The following SLC5A4 variants were observed in gnomAD, a reference collection of about 807,000 sequenced individuals.
The protein encoded by SLC5A4 is solute carrier family 5 member 4.
In SLC5A4, 55 loss-of-function variants were observed where a neutral mutation model predicts 70.3. That is an observed-to-expected ratio of 0.78 (90% CI 0.63 to 0.98). SLC5A4 has a LOEUF of 0.98. Among genes scored for constraint, SLC5A4 ranks in the 50% least tolerant of loss-of-function variants. The pLI is 0.00. For synonymous variants in SLC5A4, 268 were observed against 305.7 expected (o/e 0.88, Z 1.29); for missense variants, 735 against 839.2 (o/e 0.88, Z 1.53).
the SLC5A4 span, among the ~76,000 whole-genome samples, chr22:32,332,697 G>A: frequency 6.6e-6 from 1 of 152,132 alleles, no homozygotes; most frequent in East Asian, 1.9e-4. Context: ...CCTTCCTGTC[G>A]CTTTACCCTC....
At chr22:32,222,283 T>C (rs1925133638) in intron 13 of SLC5A4, among the ~76,000 whole-genome samples, 1 of 152,232 alleles carries the variant, frequency 6.6e-6, no homozygotes, top group African/African-American at 2.4e-5. Flanking sequence ...TTAAAAACTC[T>C]CTTCTTGGGA....
At chr22:32,269,494 C>G in the SLC5A4 span, 2 of 567,666 alleles carry the variant, frequency 3.5e-6, no homozygotes, top group African/African-American at 1.9e-5. This position sits in a 1 kb window ranked among gnomAD's most constrained non-coding sequence, Gnocchi z 4.1. Context: ...AGACCTGGCC[C>G]GGGCACGTGG....
At chr22:32,346,881 G>T in the SLC5A4 span, among the ~76,000 whole-genome samples, 8 of 150,010 alleles carry the variant, frequency 5.3e-5, no homozygotes, top group Admixed American at 2.7e-4. Flanking sequence ...AAGAGCTTCT[G>T]CACAGCAAAA....
chr22:32,353,824 C>G, the SLC5A4 span, among the ~76,000 whole-genome samples: 1 of 151,650 alleles, frequency 6.6e-6, no homozygotes, highest in Non-Finnish European at 1.5e-5. Context: ...GAATAGTGCC[C>G]CCAACCAGAC....
At chr22:32,272,887 G>A in the SLC5A4 span, 1 of 514,426 alleles carries the variant, frequency 1.9e-6, no homozygotes, top group South Asian at 1.5e-5. Flanking sequence ...GCTGCTGAAC[G>A]TGCTGCCACA....
chr22:32,272,424 G>A, the SLC5A4 span: 1 of 883,504 alleles, frequency 1.1e-6, no homozygotes. Flanking sequence ...TGGTCGACAG[G>A]CAGCTCTACA....
chr22:32,271,755 G>T, the SLC5A4 span: 1 of 589,670 alleles, frequency 1.7e-6, no homozygotes, highest in Non-Finnish European at 3.2e-6. Flanking sequence ...TGTCCCCGCG[G>T]CTTCCTGTAC....
chr22:32,251,500 A>C (rs1927154834), intron 3 of SLC5A4, among the ~76,000 whole-genome samples: 3 of 144,232 alleles, frequency 2.1e-5, no homozygotes, highest in Admixed American at 6.9e-5. Context: ...TCTCTCTCTC[A>C]TCCTCCATCC....
the SLC5A4 span, among the ~76,000 whole-genome samples, chr22:32,334,304 T>C: frequency 6.6e-6 from 1 of 152,244 alleles, no homozygotes; most frequent in East Asian, 1.9e-4. Context: ...TGCACGACCC[T>C]GTGCCCAGCC....
chr22:32,245,035 A>G (rs1569378474), intron 5 of SLC5A4, among the ~76,000 whole-genome samples: 1 of 152,228 alleles, frequency 6.6e-6, no homozygotes. Flanking sequence ...CTGAATAAAG[A>G]CTGTAGATTA....
At chr22:32,269,943 G>T in the SLC5A4 span, 1 of 535,342 alleles carries the variant, frequency 1.9e-6, no homozygotes, top group Admixed American at 2.2e-5. This position sits in a 1 kb window ranked among gnomAD's most constrained non-coding sequence, Gnocchi z 4.1. Flanking sequence ...TCACCATGGA[G>T]CCTGGGTACC....
the SLC5A4 span, among the ~76,000 whole-genome samples, chr22:32,319,406 C>T: frequency 2.6e-5 from 4 of 152,036 alleles, no homozygotes; most frequent in African/African-American, 9.7e-5. Context: ...CATCAGCTCT[C>T]CTGGGTCTCA....
At chr22:32,308,361 G>A in the SLC5A4 span, among the ~76,000 whole-genome samples, 3 of 152,316 alleles carry the variant, frequency 2.0e-5, no homozygotes, top group South Asian at 6.2e-4. Context: ...AGGCAGCCAC[G>A]CCAGTGGAGG....
At chr22:32,271,384 C>A in the SLC5A4 span, 1 of 758,384 alleles carries the variant, frequency 1.3e-6, no homozygotes, top group Non-Finnish European at 2.4e-6. Context: ...CAGAGCACAC[C>A]TTACCTGCTG....
At chr22:32,320,859 G>T in the SLC5A4 span, among the ~76,000 whole-genome samples, 2 of 152,182 alleles carry the variant, frequency 1.3e-5, no homozygotes, top group Non-Finnish European at 2.9e-5. Context: ...CCCGCGAAGG[G>T]GACTCACCAC....
the SLC5A4 span, among the ~76,000 whole-genome samples, chr22:32,264,480 T>G: frequency 1.3e-4 from 20 of 152,056 alleles, no homozygotes; most frequent in Admixed American, 1.0e-3. Context: ...GAGGCTCAGG[T>G]GGATCACCTG....
At chr22:32,248,626 G>C in intron 4 of SLC5A4, 117 bp downstream of exon 4, 1 of 758,590 alleles carries the variant, frequency 1.3e-6, no homozygotes. Context: ...CCTCTGCTGT[G>C]GCACCTAAAT....
Position 32,231,631 on chromosome 22 carries a change from A to T in SLC5A4, c.1022-556T>A, listed in dbSNP as rs533029069. Among the ~76,000 whole-genome samples, 40 of 152,340 alleles carry T rather than the reference A, an allele frequency of 2.6e-4. 1 individual carries two copies. In the East Asian group the frequency reaches 7.1e-3, roughly 27 times the overall value. ...CAACAGACAGGGAGAATTGATAAAG[A>T]ATCACGCAGAAAAATAACACTTCAG... On this transcript the variant is annotated intron_variant, in intron 9 of 14. Transcript: ENST00000266086.
chr22:32,321,677 TCTC>T, the SLC5A4 span, among the ~76,000 whole-genome samples: 1 of 152,204 alleles, frequency 6.6e-6, no homozygotes, highest in East Asian at 1.9e-4. Context: ...ATCCATGTGT[TCTC>T]ATCATTTAGC....
Sources: gnomAD v4.1 joint callset for allele counts (sites outside exome capture counted in the v4.1 genomes callset) on GRCh38, gnomAD v4.1.1 for gene constraint, Gnocchi (gnomAD v3.1) non-coding constraint, MANE v1.5 for transcripts, NCBI Gene and HGNC (gene_info 2026-07-23, HGNC 2026-07-21) for gene names.